MYO18A: variants seen among roughly 807,000 people sequenced by gnomAD.
The protein encoded by MYO18A is unconventional myosin-XVIIIa.
MYO18A carries 78 observed loss-of-function variants against 235.8 expected under a neutral mutation model. That is an observed-to-expected ratio of 0.33 (90% CI 0.28 to 0.40). The LOEUF (loss-of-function observed/expected upper bound fraction) is 0.40, where lower values mean the gene tolerates loss of function less well. Among genes scored for constraint, MYO18A ranks in the 10% least tolerant of loss-of-function variants. The probability of loss-of-function intolerance (pLI) is 1.00; values close to 1 mark genes in which losing one functional copy is unlikely to be tolerated. For synonymous variants in MYO18A, 977 were observed against 1,077.8 expected, an observed-to-expected ratio of 0.91 and a Z score of 1.83; for missense variants, 2,215 against 2,699.3, an observed-to-expected ratio of 0.82 and a Z score of 3.98.
intron 2 of MYO18A, among the ~76,000 whole-genome samples, chr17:29,151,244 C>G (rs980290563): frequency 6.6e-6 from 1 of 152,050 alleles, no homozygotes; most frequent in Non-Finnish European, 1.5e-5. Context: ...AGAAAAAATT[C>G]CAGTTAAATG....
intron 34 of MYO18A, chr17:29,091,160 A>T (rs533177798): frequency 7.3e-5 from 38 of 518,180 alleles, no homozygotes; most frequent in African/African-American, 7.2e-4. Flanking sequence ...GAGCTGAATG[A>T]CAGCTGCTTC....
chr17:29,086,527 G>A lies in MYO18A; in HGVS notation c.5763C>T (p.Asp1921=), dbSNP rs1464155458. The change falls in exon 39 of 42, where the codon GAC becomes GAT. Residue 1921 remains aspartate (D), a synonymous_variant. Coordinates refer to ENST00000527372, the MANE Select transcript of MYO18A (RefSeq NM_078471.4). ...CGATGCGCTTGAATGCCAACTTTAG[G>A]TCAGCCTGCAGGCTCTGGTTAGCAG... ...LEAANQSLQA[D]LKLAFKRIGD... is the part of the protein sequence containing the mutation. 8 of 1,612,938 alleles carry A rather than the reference G, an allele frequency of 5.0e-6. No homozygotes were observed. The South Asian group carries it at 7.7e-5, about 16-fold the overall frequency.
chr17:29,094,519 TG>T, intron 30 of MYO18A, 130 bp downstream of exon 30: 1 of 910,906 alleles, frequency 1.1e-6, no homozygotes, highest in Non-Finnish European at 1.7e-6. Context: ...CTCCACATTT[TG>T]TGAGTAGGTG....
chr17:29,158,461 C>CA lies in MYO18A; in HGVS notation c.999+7480_999+7481insT, dbSNP rs2068105379. 6.6e-6 allele frequency among the ~76,000 whole-genome samples: 1 copy of CA among 152,184 alleles called. No homozygotes were observed. The highest frequency in any genetic ancestry group is 1.5e-5 in the Non-Finnish European group (1 of 68,036). The stretch of plus-strand genomic sequence containing the variant: ...GCGGGACTCTTGAATTGGCTGCCCC[C>CA]CATCAAACTGCACAGCAGAGGTGGG... On this transcript the variant is annotated intron_variant, in intron 2 of 41. Coordinates refer to ENST00000527372, the MANE Select transcript of MYO18A (RefSeq NM_078471.4). The surrounding 1 kb of genome is among the most constrained non-coding windows in gnomAD (Gnocchi z 4.3).
Position 29,074,785 on chromosome 17 carries a change from C to T in MYO18A, c.6150G>A (p.Thr2050=), listed in dbSNP as rs374533027. The T allele has an allele frequency of 2.4e-4, 386 of 1,613,818 alleles. 1 individual carries two copies. Among genetic ancestry groups the T allele is most frequent in the Non-Finnish European group, 2.3e-4 (271 of 1,179,882 alleles). Residue 2050 remains threonine, a synonymous_variant, in exon 42 of 42, where the codon ACG becomes ACA. Transcript: ENST00000527372. This position sits in a 1 kb window ranked among gnomAD's most constrained non-coding sequence, Gnocchi z 4.4. The part of the protein sequence containing the change: ...LSDSDTEAKL[T]ETNA ...CTCCCCTGGGCTATGCGTTAGTCTC[C>T]GTCAGCTTGGCCTCTGTGTCGCTGT...
intron 11 of MYO18A, among the ~76,000 whole-genome samples, chr17:29,116,115 G>A (rs1256541165): frequency 6.6e-6 from 1 of 152,244 alleles, no homozygotes; most frequent in Non-Finnish European, 1.5e-5. Context: ...CTTTTCAGAT[G>A]GCTCAGCTCC....
intron 1 of MYO18A, among the ~76,000 whole-genome samples, chr17:29,176,991 G>C (rs1057312200): frequency 2.0e-5 from 3 of 152,224 alleles, no homozygotes; most frequent in African/African-American, 7.2e-5. Context: ...AGCTCCTGCG[G>C]CCTCGCCAGG....
chr17:29,084,800 T>TAA (rs879802427), intron 40 of MYO18A, among the ~76,000 whole-genome samples: 1 of 148,446 alleles, frequency 6.7e-6, no homozygotes, highest in Non-Finnish European at 1.5e-5. Flanking sequence ...AATGCCATGC[T>TAA]AAAAAAAAAA....
chr17:29,114,937 G>C lies in MYO18A; in HGVS notation c.2481C>G (p.Thr827=). Residue 827 remains threonine (T), a synonymous_variant, in exon 14 of 42, where the codon ACC becomes ACG. Coordinates refer to ENST00000527372, the MANE Select transcript of MYO18A (RefSeq NM_078471.4). The part of the protein sequence containing the change: ...DRLQRLFHER[T]FVQELERYKE... ...TGTATCTTTCCAACTCCTGCACGAA[G>C]GTGCGCTCGTGGAAGAGCCTCTGCA... 2 of 1,613,988 alleles carry C rather than the reference G, an allele frequency of 1.2e-6. No individual in the cohort carries two copies. The highest frequency in any genetic ancestry group is 2.2e-5 in the South Asian group (2 of 91,084).
In MYO18A at chr17:29,079,979, G is replaced by T. The variant is rs114321255; in HGVS notation, c.6020+2337C>A. ...TTGGACTTCTTGCTCTTCCGAGAGC[G>T]CCCCTTCTTCCGCCTCTTGTGCTCT... On this transcript the variant is annotated intron_variant, in intron 41 of 41. Coordinates refer to ENST00000527372, the MANE Select transcript of MYO18A (RefSeq NM_078471.4). 3,205 of 986,002 alleles carry T rather than the reference G, an allele frequency of 3.3e-3. 81 individuals are homozygous for T. In the African/African-American group the frequency reaches 0.052, roughly 16 times the overall value. 61.1% of individuals were successfully genotyped at this position (986,002 alleles called of 1,614,324 possible).
chr17:29,115,370 G>C lies in MYO18A; in HGVS notation c.2299C>G (p.Leu767Val). 6.2e-7 allele frequency: 1 copy of C among 1,613,986 alleles called. No homozygotes were observed. The highest frequency in any genetic ancestry group is 8.5e-7 in the Non-Finnish European group (1 of 1,179,872). Reference sequence around the variant, plus strand: ...ACTCACCTATTCACCAGGGAGACGAGAAGGGTGAAGAGCTCGCTGTAGAGG... The same window carrying C: ...ACTCACCTATTCACCAGGGAGACGACAAGGGTGAAGAGCTCGCTGTAGAGG... ...AGLYSELFTL[L>V]VSLVNRALKS... Residue 767 changes from leucine (L) to valine (V), a missense_variant, in exon 13 of 42, where the codon CTC (leucine) becomes GTC (valine). By Grantham distance (32) the Leu-to-Val change is conservative (BLOSUM62 1). Coordinates refer to ENST00000527372, the MANE Select transcript of MYO18A (RefSeq NM_078471.4).
intron 1 of MYO18A, chr17:29,176,868 C>T (rs1349883040): frequency 6.6e-6 from 1 of 152,140 alleles, no homozygotes; most frequent in Non-Finnish European, 1.5e-5. Flanking sequence ...CGGCCCTTGG[C>T]GTTTCCCCGC....
At position 29,115,819 on chromosome 17, in the gene MYO18A, C is replaced by A. The variant is rs189836557; in HGVS notation, c.2072G>T (p.Arg691Leu). 14 of 1,583,720 alleles carry A rather than the reference C, an allele frequency of 8.8e-6. No individual in the cohort carries two copies. The East Asian group carries it at 3.0e-4, about 34-fold the overall frequency. The change falls in exon 12 of 42, where the codon CGC becomes CTC. Residue 691 changes from arginine (R) to leucine (L), a missense_variant. Coordinates refer to ENST00000527372, the MANE Select transcript of MYO18A (RefSeq NM_078471.4). ...CGCAGCCTTCTGGGCCCACTCATGG[C>A]GGGCAAACTGCTTGCGCCCAGCTGT... ...AAEAGRKQFARHEWAQKAAYL... is the reference protein window; with the variant it reads ...AAEAGRKQFALHEWAQKAAYL...
chr17:29,102,836 C>T (rs563633660), intron 21 of MYO18A, among the ~76,000 whole-genome samples: 5 of 152,366 alleles, frequency 3.3e-5, no homozygotes, highest in African/African-American at 7.2e-5. Flanking sequence ...ACACGCCCCA[C>T]GGGGCCCTGC....
chr17:29,156,764 G>C (rs565164241), intron 2 of MYO18A, among the ~76,000 whole-genome samples: 1 of 152,334 alleles, frequency 6.6e-6, no homozygotes, highest in East Asian at 1.9e-4. Flanking sequence ...GTGTTGCCAG[G>C]TGGGGACCTG....
intron 2 of MYO18A, among the ~76,000 whole-genome samples, chr17:29,139,276 T>C (rs868023099): frequency 3.9e-5 from 6 of 152,176 alleles, no homozygotes; most frequent in African/African-American, 1.4e-4. Context: ...TCACTGCCCC[T>C]CTGGAGGGCA....
chr17:29,139,005 A>G (rs1263735291), intron 2 of MYO18A, among the ~76,000 whole-genome samples: 3 of 152,194 alleles, frequency 2.0e-5, no homozygotes, highest in Admixed American at 2.0e-4. Flanking sequence ...GAATGAACTG[A>G]AGGCCATGCT....
In MYO18A at chr17:29,086,754, G is replaced by C. The variant is rs151295376; in HGVS notation, c.5713-177C>G. 9,330 of 1,125,216 alleles carry C rather than the reference G, an allele frequency of 8.3e-3. 57 individuals are homozygous for C. Among genetic ancestry groups the C allele is most frequent in the Middle Eastern group, 0.018 (62 of 3,362 alleles). 69.7% of individuals were successfully genotyped at this position (1,125,216 alleles called of 1,614,324 possible). A position where few individuals can be genotyped will look rare whatever the true frequency, so the allele number is the denominator to read the frequency against. On this transcript the variant is annotated intron_variant, in intron 38 of 41. Coordinates refer to ENST00000527372, the MANE Select transcript of MYO18A (RefSeq NM_078471.4). ...GCTGTGGGGTCCAAGCCTCATCTGA[G>C]GGAGTCTCCAGTGCCGCTAGCTTCC...
At chr17:29,100,463 G>A (rs1487056885) in intron 21 of MYO18A, among the ~76,000 whole-genome samples, 4 of 152,214 alleles carry the variant, frequency 2.6e-5, no homozygotes, top group Non-Finnish European at 5.9e-5. Context: ...CCCAGCTGAG[G>A]GACCTGTCAT....
Sources: gnomAD v4.1 joint callset for allele counts (sites outside exome capture counted in the v4.1 genomes callset) on GRCh38, gnomAD v4.1.1 for gene constraint, Gnocchi (gnomAD v3.1) non-coding constraint, MANE v1.5 for transcripts, NCBI Gene and HGNC (gene_info 2026-07-23, HGNC 2026-07-21) for gene names.